The following STPG2 variants were observed in gnomAD, a reference collection of about 807,000 sequenced individuals.
The protein encoded by STPG2 is sperm tail PG-rich repeat containing 2.
A neutral mutation model predicts 54.2 loss-of-function variants in STPG2; 56 were observed. The ratio of observed to expected loss-of-function variants is 1.03; its 90% CI spans 0.83 to 1.29. STPG2 has a LOEUF of 1.29. STPG2 is among the 50% of genes most tolerant of loss of function. The pLI is 0.00. For missense variants in STPG2, 596 were observed against 544.9 expected (o/e 1.09, Z -0.93); for synonymous variants, 200 against 181.8 (o/e 1.10, Z -0.81).
intron 6 of STPG2, among the ~76,000 whole-genome samples, chr4:97,980,669 T>C (rs1360314779): frequency 6.6e-6 from 1 of 152,196 alleles, no homozygotes; most frequent in African/African-American, 2.4e-5. Flanking sequence ...GCGACTAAGA[T>C]TGTTGAACAG....
At chr4:97,563,319 T>G (rs1031833662) in intron 10 of STPG2, among the ~76,000 whole-genome samples, 8 of 149,620 alleles carry the variant, frequency 5.3e-5, no homozygotes, top group African/African-American at 2.1e-4. Flanking sequence ...TGCGTCTATT[T>G]GATTCTTCTG....
chr4:97,826,822 A>G (rs1248170448), intron 9 of STPG2, among the ~76,000 whole-genome samples: 1 of 152,258 alleles, frequency 6.6e-6, no homozygotes, highest in Non-Finnish European at 1.5e-5. Context: ...GTATATTATC[A>G]GTAATAATTG....
At chr4:97,874,197 C>T (rs1730095020) in intron 8 of STPG2, among the ~76,000 whole-genome samples, 1 of 151,630 alleles carries the variant, frequency 6.6e-6, no homozygotes, top group Non-Finnish European at 1.5e-5. Flanking sequence ...TTATTTAAAA[C>T]TCCACTGGAA....
chr4:98,071,101 A>G (rs1737988323), intron 5 of STPG2, among the ~76,000 whole-genome samples: 2 of 152,162 alleles, frequency 1.3e-5, no homozygotes, highest in Non-Finnish European at 2.9e-5. Context: ...AAAAGCCCAA[A>G]TAGCCAAAGA....
At chr4:97,890,655 A>G (rs909593230) in intron 8 of STPG2, among the ~76,000 whole-genome samples, 15 of 151,936 alleles carry the variant, frequency 9.9e-5, no homozygotes, top group African/African-American at 3.4e-4. Flanking sequence ...AATTTATTAT[A>G]TATTTCAAAA....
At position 97,700,107 on chromosome 4, in the gene STPG2, C is replaced by G. The variant is rs1578490532; in HGVS notation, c.1320+12592G>C. On this transcript the variant is annotated intron_variant, in intron 10 of 10. Coordinates refer to ENST00000295268, the MANE Select transcript of STPG2 (RefSeq NM_174952.3). ...TGTCCCTCAAAAGGAGAGTAGTTAT[C>G]CACAGATGGCAGGGCCTTGCTTCAA... Among the ~76,000 whole-genome samples, 6 of 152,168 alleles carry G rather than the reference C, an allele frequency of 3.9e-5. No individual in the cohort carries two copies. The South Asian group carries it at 1.2e-3, about 32-fold the overall frequency.
intron 4 of STPG2, among the ~76,000 whole-genome samples, chr4:97,485,119 T>C (rs1259830722): frequency 6.6e-6 from 1 of 151,810 alleles, no homozygotes. Flanking sequence ...GGGGAAAAGT[T>C]GAAGGCCTTC....
chr4:98,033,096 A>C (rs1736650139), intron 5 of STPG2, among the ~76,000 whole-genome samples: 1 of 148,772 alleles, frequency 6.7e-6, no homozygotes, highest in Non-Finnish European at 1.5e-5. Context: ...AGATTAGAGC[A>C]GAACTGAAGA....
At chr4:97,874,291 G>A (rs1730097989) in intron 8 of STPG2, among the ~76,000 whole-genome samples, 1 of 151,380 alleles carries the variant, frequency 6.6e-6, no homozygotes, top group South Asian at 2.1e-4. Context: ...TCATTGCTGT[G>A]GTTTTCTCTG....
At position 97,915,539 on chromosome 4, in the gene STPG2, G is replaced by A. The variant is rs887731812; in HGVS notation, c.1044+28358C>T. 3.3e-5 allele frequency among the ~76,000 whole-genome samples: 5 copies of A among 152,082 alleles called. No homozygotes were observed. In the East Asian group the frequency reaches 7.7e-4, roughly 24 times the overall value. ...TGTGACAAATCCTGGGGAAGCTCCA[G>A]GAAGGTAGAAGAGGAAGAGAAGAGA... On this transcript the variant is annotated intron_variant, in intron 8 of 10. Coordinates refer to ENST00000295268, the MANE Select transcript of STPG2 (RefSeq NM_174952.3).
chr4:97,811,541 T>TA (rs34763766), intron 9 of STPG2, among the ~76,000 whole-genome samples: 8,751 of 149,934 alleles, frequency 0.058, 350 homozygotes, highest in Admixed American at 0.14. Context: ...GTAGCAGCAG[T>TA]AAAAAAAAAA....
At position 97,712,719 on chromosome 4, in the gene STPG2, G is replaced by C. The variant is rs1560498654; in HGVS notation, c.1300C>G (p.Pro434Ala). The change falls in exon 10 of 11, where the codon CCA becomes GCA. Residue 434 changes from proline to alanine, a missense_variant. By Grantham distance (27) the Pro-to-Ala change is conservative. Coordinates refer to ENST00000295268, the MANE Select transcript of STPG2 (RefSeq NM_174952.3). ...KRFEESKEIT[P>A]GPATYEISQE... is the part of the protein sequence containing the mutation. ...CAAACCTCATATGTTGCTGGGCCTG[G>C]AGTAATCTCTTTGGACTCTTCAAAG... 6.3e-7 allele frequency: 1 copy of C among 1,596,436 alleles called. No homozygotes were observed. Among genetic ancestry groups the C allele is most frequent in the Non-Finnish European group, 8.5e-7 (1 of 1,170,302 alleles).
intron 10 of STPG2, among the ~76,000 whole-genome samples, chr4:97,580,333 ATAT>A (rs1253903157): frequency 2.0e-5 from 3 of 151,980 alleles, no homozygotes; most frequent in African/African-American, 7.2e-5. Flanking sequence ...TGATATAATA[ATAT>A]TATCACTGCT....
At chr4:97,700,684 G>C (rs1257102836) in intron 10 of STPG2, among the ~76,000 whole-genome samples, 2 of 152,200 alleles carry the variant, frequency 1.3e-5, no homozygotes, top group Non-Finnish European at 2.9e-5. Flanking sequence ...TGCGGAAGTG[G>C]AAAGTGATCA....
chr4:97,640,305 C>T (rs1012858181), intron 10 of STPG2, among the ~76,000 whole-genome samples: 1 of 151,804 alleles, frequency 6.6e-6, no homozygotes, highest in African/African-American at 2.4e-5. Flanking sequence ...AAACTGAATG[C>T]CAAAGTCAAA....
chr4:97,947,775 TC>T (rs930447590), intron 7 of STPG2, among the ~76,000 whole-genome samples: 1 of 152,150 alleles, frequency 6.6e-6, no homozygotes, highest in Non-Finnish European at 1.5e-5. Flanking sequence ...TGATGTATTA[TC>T]TTTCTGATGT....
At chr4:97,476,798 A>G (rs1035736458) in intron 4 of STPG2, among the ~76,000 whole-genome samples, 3 of 152,192 alleles carry the variant, frequency 2.0e-5, no homozygotes, top group Non-Finnish European at 4.4e-5. Context: ...TACTATTGCA[A>G]TTAGTTACAC....
chr4:97,446,028 A>C (rs1229744919), intron 4 of STPG2, among the ~76,000 whole-genome samples: 2 of 152,184 alleles, frequency 1.3e-5, no homozygotes, highest in Non-Finnish European at 2.9e-5. Flanking sequence ...CCCATAGTTC[A>C]ATATATATTA....
chr4:97,768,003 T>A (rs1726106211), intron 9 of STPG2, among the ~76,000 whole-genome samples: 1 of 151,934 alleles, frequency 6.6e-6, no homozygotes, highest in Non-Finnish European at 1.5e-5. Context: ...CCGTCTCTAC[T>A]AAAAACACAA....
Sources: gnomAD v4.1 joint callset for allele counts (sites outside exome capture counted in the v4.1 genomes callset) on GRCh38, gnomAD v4.1.1 for gene constraint, MANE v1.5 for transcripts, NCBI Gene and HGNC (gene_info 2026-07-23, HGNC 2026-07-21) for gene names.